The following WNT7B variants were observed in gnomAD, a reference collection of about 807,000 sequenced individuals.
WNT7B encodes protein Wnt-7b.
A neutral mutation model predicts 38.2 loss-of-function variants in WNT7B; 19 were observed. The observed-to-expected ratio is 0.50, with a 90% confidence interval of 0.35 to 0.73. The LOEUF (loss-of-function observed/expected upper bound fraction) is 0.73. WNT7B is among the 30% of genes least tolerant of loss of function. The pLI is 0.01. For synonymous variants in WNT7B, 243 were observed against 209.3 expected (o/e 1.16, Z -1.39); for missense variants, 423 against 507.9 (o/e 0.83, Z 1.61).
intron 1 of WNT7B, among the ~76,000 whole-genome samples, chr22:45,952,908 T>C (rs1931967718): frequency 6.6e-6 from 1 of 152,214 alleles, no homozygotes; most frequent in Admixed American, 6.5e-5. Flanking sequence ...TCATGGGGTC[T>C]GGCCTCGGAA....
chr22:45,967,209 G>C (rs995248606), intron 1 of WNT7B, among the ~76,000 whole-genome samples: 1 of 152,214 alleles, frequency 6.6e-6, no homozygotes, highest in Non-Finnish European at 1.5e-5. Context: ...CGGGCGGCCC[G>C]CACCACACAA....
intron 2 of WNT7B, among the ~76,000 whole-genome samples, chr22:45,946,554 GAC>G (rs1242190276): frequency 6.6e-6 from 1 of 152,170 alleles, no homozygotes; most frequent in African/African-American, 2.4e-5. Flanking sequence ...GTCAACAGAA[GAC>G]ACAAGAGACA....
At position 45,976,319 on chromosome 22, in the gene WNT7B, C is replaced by G. The variant is rs1296788208; in HGVS notation, c.71+365G>C. 6.7e-6 allele frequency among the ~76,000 whole-genome samples: 1 copy of G among 149,738 alleles called. No homozygotes were observed. The highest frequency in any genetic ancestry group is 2.0e-4 in the East Asian group (1 of 5,084). On this transcript the variant is annotated intron_variant, in intron 1 of 3. Coordinates refer to ENST00000339464, the MANE Select transcript of WNT7B (RefSeq NM_058238.3). This position sits in a 1 kb window ranked among gnomAD's most constrained non-coding sequence, Gnocchi z 8.5. ...GCGCACCCTCCAGGCGGCGAGCGCTCGGCCCGGGCTCGGCGCCCAGCGCAG... is the reference window on the plus strand; with the variant it reads ...GCGCACCCTCCAGGCGGCGAGCGCTGGGCCCGGGCTCGGCGCCCAGCGCAG...
At chr22:45,949,244 G>T (rs1276987106) in intron 2 of WNT7B, among the ~76,000 whole-genome samples, 1 of 152,140 alleles carries the variant, frequency 6.6e-6, no homozygotes, top group Non-Finnish European at 1.5e-5. Context: ...TGGCCTCAGG[G>T]GCTGTGCACA....
At chr22:45,941,285 G>A (rs375397389) in intron 2 of WNT7B, among the ~76,000 whole-genome samples, 25 of 152,290 alleles carry the variant, frequency 1.6e-4, no homozygotes, top group African/African-American at 5.3e-4. Context: ...TAAGGCGGGC[G>A]GATCACCTGA....
intron 1 of WNT7B, among the ~76,000 whole-genome samples, chr22:45,953,723 TA>T (rs528714196): frequency 0.13 from 16,945 of 134,196 alleles, 2,591 homozygotes; most frequent in African/African-American, 0.38. Flanking sequence ...GGCTATGATT[TA>T]AAAAAAAAAA....
intron 3 of WNT7B, among the ~76,000 whole-genome samples, chr22:45,930,752 G>A (rs1005224368): frequency 7.2e-5 from 11 of 152,210 alleles, no homozygotes; most frequent in African/African-American, 1.9e-4. Context: ...GACCAGGAAC[G>A]CCAAGGGCAG....
Position 45,923,072 on chromosome 22 carries a change from G to T in WNT7B, c.834C>A (p.Cys278Ter). The change falls in exon 4 of 4, where the codon TGC (cysteine) becomes TGA (stop). Residue 278 changes from cysteine (C) to a stop codon, truncating the protein, a stop_gained. Coordinates refer to ENST00000339464, the MANE Select transcript of WNT7B (RefSeq NM_058238.3). LOFTEE classifies it high-confidence loss of function. The stretch of plus-strand genomic sequence containing the variant: ...CGCTGCCCGTGGCCGCGTCCTCCTC[G>T]CAGTAGTTGGGCGACTTCTCAATGT... ...LVYIEKSPNY[C>*]EEDAATGSVG... The T allele has an allele frequency of 1.2e-6, 2 of 1,613,322 alleles. No individual in the cohort carries two copies. Among genetic ancestry groups the T allele is most frequent in the Non-Finnish European group, 1.7e-6 (2 of 1,179,754 alleles).
intron 1 of WNT7B, among the ~76,000 whole-genome samples, chr22:45,971,670 G>A (rs1186491478): frequency 6.6e-6 from 1 of 152,224 alleles, no homozygotes; most frequent in Non-Finnish European, 1.5e-5. Flanking sequence ...CAGTCCGGGC[G>A]CTGTCCGGTG....
chr22:45,973,109 G>T (rs1932486418), intron 1 of WNT7B, among the ~76,000 whole-genome samples: 1 of 152,270 alleles, frequency 6.6e-6, no homozygotes, highest in African/African-American at 2.4e-5. Context: ...TCGCCAGCAG[G>T]TGCTGCTCTC....
intron 1 of WNT7B, among the ~76,000 whole-genome samples, chr22:45,956,391 A>G (rs1447535152): frequency 6.6e-6 from 1 of 152,140 alleles, no homozygotes. Flanking sequence ...TTCACTAGAC[A>G]CACAATCTCC....
intron 1 of WNT7B, among the ~76,000 whole-genome samples, chr22:45,953,874 A>G (rs79491702): frequency 0.022 from 3,381 of 152,328 alleles, 109 homozygotes; most frequent in African/African-American, 0.078. Context: ...CAATAAGTTC[A>G]ACCTGGAGTC....
At chr22:45,972,263 TG>T in intron 1 of WNT7B, 1 of 623,630 alleles carries the variant, frequency 1.6e-6, no homozygotes, top group Non-Finnish European at 2.9e-6. Context: ...CTGGCGGGGC[TG>T]AACAGGCTCC....
At chr22:45,929,758 ATCTG>A (rs565193224) in intron 3 of WNT7B, among the ~76,000 whole-genome samples, 21 of 149,472 alleles carry the variant, frequency 1.4e-4, no homozygotes, top group East Asian at 1.2e-3. Flanking sequence ...CCTTTCATTC[ATCTG>A]TCTACTTATC....
chr22:45,953,352 CT>C (rs1345484429), intron 1 of WNT7B, among the ~76,000 whole-genome samples: 2 of 152,204 alleles, frequency 1.3e-5, no homozygotes, highest in East Asian at 3.8e-4. Context: ...CCAGCTTCCC[CT>C]CACAGCCACC....
rs775037152 is a variant in WNT7B at position 45,922,866 on chromosome 22, G to A, written c.1040C>T (p.Thr347Ile). The change falls in exon 4 of 4, where the codon ACC becomes ATC. Residue 347 changes from threonine (T) to isoleucine (I), a missense_variant. Thr to Ile is a moderately conservative substitution (Grantham distance 89, BLOSUM62 -1). Around this residue, in one of 3 missense-constraint regions of WNT7B, gnomAD observed 158 missense variants for 214.7 expected, o/e 0.74. Coordinates refer to ENST00000339464, the MANE Select transcript of WNT7B (RefSeq NM_058238.3). ...CCTCCGGGCCTGGCCTCACTTGCAG[G>A]TGAAGACCTCGGTGCGCTCGCTGCA... The part of the protein sequence containing the change: ...NTCSERTEVF[T>I]CK The A allele has an allele frequency of 2.4e-5, 38 of 1,596,276 alleles. No individual in the cohort carries two copies. Among genetic ancestry groups the A allele is most frequent in the Non-Finnish European group, 3.0e-5 (35 of 1,166,724 alleles).
intron 1 of WNT7B, among the ~76,000 whole-genome samples, chr22:45,970,851 C>A (rs1026396580): frequency 2.6e-5 from 4 of 152,222 alleles, no homozygotes; most frequent in African/African-American, 9.6e-5. Context: ...CTCAGGCGGT[C>A]CCCACCCGCA....
intron 1 of WNT7B, among the ~76,000 whole-genome samples, chr22:45,971,539 A>G (rs1932439152): frequency 6.6e-6 from 1 of 152,164 alleles, no homozygotes; most frequent in Non-Finnish European, 1.5e-5. Context: ...CAACTGGGCG[A>G]ACGCGGCCGC....
In WNT7B at chr22:45,977,009, G is replaced by C. The variant is rs1019948120; in HGVS notation, c.-255C>G. On this transcript the variant is annotated 5_prime_UTR_variant, in exon 1 of 4. Transcript: ENST00000339464. ...CCGCGACCTCGAAGCCCGGTTGAGCGACCGTGGACCCCTGCAAGCGCGGGC... is the reference window on the plus strand; with the variant it reads ...CCGCGACCTCGAAGCCCGGTTGAGCCACCGTGGACCCCTGCAAGCGCGGGC... 1 of 985,564 alleles carries C rather than the reference G, an allele frequency of 1.0e-6. No homozygotes were observed. The highest frequency in any genetic ancestry group is 1.8e-5 in the African/African-American group (1 of 57,100). 61.1% of individuals were successfully genotyped at this position (985,564 alleles called of 1,614,324 possible).
Sources: allele counts gnomAD v4.1 joint callset (sites outside exome capture counted in the v4.1 genomes callset), GRCh38; gene constraint gnomAD v4.1.1; regional missense constraint gnomAD v4.1.1; non-coding constraint Gnocchi (gnomAD v3.1); transcripts MANE v1.5; gene names NCBI Gene and HGNC (gene_info 2026-07-23, HGNC 2026-07-21).